Variants in CTNND2 observed in about 807,000 individuals in gnomAD.
CTNND2 encodes the protein catenin delta 2, also known as catenin delta-2.
Under a neutral mutation model 144.4 loss-of-function variants are expected in CTNND2, and 22 were observed. The ratio of observed to expected loss-of-function variants is 0.15; its 90% CI spans 0.11 to 0.22. The LOEUF (loss-of-function observed/expected upper bound fraction) is 0.22. CTNND2 is among the 10% of genes least tolerant of loss of function. The pLI, the probability that CTNND2 is intolerant of heterozygous loss-of-function variation, is 1.00. For synonymous variants in CTNND2, 751 were observed against 695.6 expected, an observed-to-expected ratio of 1.08 and a Z score of -1.25; for missense variants, 1,353 against 1,618.8, an observed-to-expected ratio of 0.84 and a Z score of 2.82.
intron 3 of CTNND2, among the ~76,000 whole-genome samples, chr5:11,420,422 T>C (rs770072593): frequency 6.6e-6 from 1 of 152,220 alleles, no homozygotes; most frequent in Non-Finnish European, 1.5e-5. Flanking sequence ...ACCTTGTATT[T>C]GGACAGCAAA....
intron 9 of CTNND2, among the ~76,000 whole-genome samples, chr5:11,311,035 A>G (rs1227675750): frequency 9.6e-6 from 1 of 104,316 alleles, no homozygotes; most frequent in African/African-American, 3.8e-5. Context: ...TCACACACAC[A>G]CTCTTACCCC....
rs1259894325 is a variant in CTNND2 at position 11,374,751 on chromosome 5, C to T, written c.1178-9861G>A. On this transcript the variant is annotated intron_variant, in intron 7 of 21. Coordinates refer to ENST00000304623, the MANE Select transcript of CTNND2 (RefSeq NM_001332.4). ...CTACGAATATTTCCATGGAAATAAT[C>T]CAGAACAAGGTGCTCCCAATCTACT... 5.3e-5 allele frequency among the ~76,000 whole-genome samples: 8 copies of T among 149,782 alleles called. No homozygotes were observed. In the Admixed American group the frequency reaches 5.3e-4, roughly 10 times the overall value.
At chr5:11,724,653 T>C (rs965023164) in intron 2 of CTNND2, among the ~76,000 whole-genome samples, 10 of 152,242 alleles carry the variant, frequency 6.6e-5, no homozygotes, top group Non-Finnish European at 1.3e-4. Context: ...CACCTTTGGT[T>C]GATATCCCAG....
intron 2 of CTNND2, among the ~76,000 whole-genome samples, chr5:11,662,195 GTGTATATA>G (rs1385364583): frequency 2.1e-4 from 28 of 134,962 alleles, no homozygotes; most frequent in African/African-American, 7.8e-4. Flanking sequence ...GTGTATATAT[GTGTATATA>G]TGTATATATA....
At chr5:11,392,767 C>A (rs546416430) in intron 6 of CTNND2, among the ~76,000 whole-genome samples, 1 of 152,304 alleles carries the variant, frequency 6.6e-6, no homozygotes, top group South Asian at 2.1e-4. Context: ...TATGAATTCT[C>A]TTCTAAATGT....
chr5:11,390,372 G>A (rs1703529499), intron 6 of CTNND2, among the ~76,000 whole-genome samples: 1 of 152,280 alleles, frequency 6.6e-6, no homozygotes, highest in South Asian at 2.1e-4. Context: ...GAATGGCAGA[G>A]GAGTCATAAG....
intron 3 of CTNND2, among the ~76,000 whole-genome samples, chr5:11,476,559 G>A (rs930914996): frequency 6.6e-6 from 1 of 151,990 alleles, no homozygotes; most frequent in African/African-American, 2.4e-5. Context: ...ACACTCACAC[G>A]CCTAACAATC....
intron 2 of CTNND2, among the ~76,000 whole-genome samples, chr5:11,659,284 C>T (rs1297392290): frequency 6.6e-6 from 1 of 151,970 alleles, no homozygotes; most frequent in Non-Finnish European, 1.5e-5. Flanking sequence ...TATGCAAATA[C>T]CACATCATTT....
At chr5:11,173,902 C>A (rs1446615211) in intron 11 of CTNND2, among the ~76,000 whole-genome samples, 1 of 152,174 alleles carries the variant, frequency 6.6e-6, no homozygotes, top group Non-Finnish European at 1.5e-5. Context: ...AAACACCATT[C>A]TGGAGGCATG....
At chr5:11,850,245 T>A (rs1256950590) in intron 1 of CTNND2, among the ~76,000 whole-genome samples, 1 of 151,980 alleles carries the variant, frequency 6.6e-6, no homozygotes, top group African/African-American at 2.4e-5. Flanking sequence ...TTCACTCCAC[T>A]CCACCCAAAA....
At chr5:10,985,954 C>T (rs1737885257) in intron 20 of CTNND2, among the ~76,000 whole-genome samples, 1 of 152,202 alleles carries the variant, frequency 6.6e-6, no homozygotes, top group South Asian at 2.1e-4. Flanking sequence ...CTACCACCAC[C>T]ACCACCATCA....
At chr5:11,276,128 G>A (rs1253579094) in intron 9 of CTNND2, among the ~76,000 whole-genome samples, 1 of 152,162 alleles carries the variant, frequency 6.6e-6, no homozygotes, top group Non-Finnish European at 1.5e-5. Flanking sequence ...GTAGACCTCA[G>A]TGAGGACGTG....
intron 12 of CTNND2, among the ~76,000 whole-genome samples, chr5:11,133,751 G>A (rs1017908024): frequency 6.6e-6 from 1 of 152,232 alleles, no homozygotes; most frequent in East Asian, 1.9e-4. Flanking sequence ...GCAAGTTTAT[G>A]CACAGGTCTT....
At chr5:11,045,336 G>A (rs561967495) in intron 16 of CTNND2, among the ~76,000 whole-genome samples, 4 of 152,164 alleles carry the variant, frequency 2.6e-5, no homozygotes, top group Non-Finnish European at 5.9e-5. Flanking sequence ...GCCAGTGTGT[G>A]CAGAGATCGT....
At chr5:11,544,486 C>T (rs2561622) in intron 3 of CTNND2, among the ~76,000 whole-genome samples, 101,001 of 152,114 alleles carry the variant, frequency 0.66, 33,690 homozygotes, top group Middle Eastern at 0.8. Flanking sequence ...ATACAAACAC[C>T]TGTTCACAGC....
intron 11 of CTNND2, among the ~76,000 whole-genome samples, chr5:11,161,573 C>T (rs551968222): frequency 2.6e-4 from 39 of 152,204 alleles, no homozygotes; most frequent in Non-Finnish European, 5.0e-4. Flanking sequence ...TCCAGCCTCA[C>T]AAAAATGTTA....
chr5:11,073,530 G>A (rs1748577596), intron 16 of CTNND2, among the ~76,000 whole-genome samples: 1 of 152,150 alleles, frequency 6.6e-6, no homozygotes, highest in African/African-American at 2.4e-5. Context: ...ATTTCCAAGG[G>A]ACAAATCATT....
chr5:11,189,408 C>T (rs888558619), intron 11 of CTNND2, among the ~76,000 whole-genome samples: 4 of 152,136 alleles, frequency 2.6e-5, no homozygotes, highest in African/African-American at 9.7e-5. Flanking sequence ...TCCACTTCTG[C>T]CACCCCTGAG....
At chr5:11,177,114 G>A (rs1760551503) in intron 11 of CTNND2, among the ~76,000 whole-genome samples, 1 of 152,172 alleles carries the variant, frequency 6.6e-6, no homozygotes, top group Non-Finnish European at 1.5e-5. Flanking sequence ...TGAACAGATG[G>A]AGTTTATAAA....
Sources: allele counts gnomAD v4.1 joint callset (sites outside exome capture counted in the v4.1 genomes callset), GRCh38; gene constraint gnomAD v4.1.1; transcripts MANE v1.5; gene names NCBI Gene and HGNC (gene_info 2026-07-23, HGNC 2026-07-21).